The following UPF2 variants were observed in gnomAD, a reference collection of about 807,000 sequenced individuals.
The protein encoded by UPF2 is UPF2 regulator of nonsense mediated mRNA decay, also known as regulator of nonsense transcripts 2.
UPF2 carries 17 observed loss-of-function variants against 141.4 expected under a neutral mutation model. The ratio of observed to expected loss-of-function variants is 0.12; its 90% CI spans 0.08 to 0.18. The LOEUF is 0.18. Ranked by LOEUF, UPF2 falls within the 10% of genes least tolerant of loss-of-function variation. The pLI is 1.00. For synonymous variants in UPF2, 540 were observed against 498.0 expected (o/e 1.08, Z -1.12); for missense variants, 1,152 against 1,515.9 (o/e 0.76, Z 3.99).
At chr10:11,993,793 A>G (rs1353712348) in intron 8 of UPF2, among the ~76,000 whole-genome samples, 2 of 152,006 alleles carry the variant, frequency 1.3e-5, no homozygotes, top group African/African-American at 4.8e-5. Context: ...GGTCAATATA[A>G]CAAGACCTCG....
intron 1 of UPF2, among the ~76,000 whole-genome samples, chr10:12,038,077 C>T (rs954207682): frequency 6.6e-6 from 1 of 152,118 alleles, no homozygotes; most frequent in Admixed American, 6.6e-5. Flanking sequence ...AGCTATTGGG[C>T]CTATTTTTAA....
intron 9 of UPF2, among the ~76,000 whole-genome samples, chr10:11,974,434 G>A (rs1564351344): frequency 6.6e-6 from 1 of 152,176 alleles, no homozygotes; most frequent in Non-Finnish European, 1.5e-5. Context: ...AGTGGTAAGA[G>A]AGGGCATCCC....
At chr10:11,929,320 A>C (rs920102095) in intron 21 of UPF2, among the ~76,000 whole-genome samples, 1 of 152,248 alleles carries the variant, frequency 6.6e-6, no homozygotes, top group African/African-American at 2.4e-5. Flanking sequence ...CCTTCCTATT[A>C]AAGCAAAAGA....
chr10:12,004,362 C>T (rs988306923), intron 5 of UPF2, among the ~76,000 whole-genome samples, 168 bp downstream of exon 5: 2 of 152,186 alleles, frequency 1.3e-5, no homozygotes, highest in Admixed American at 6.5e-5. Flanking sequence ...AATTATCATC[C>T]TTTAATGCTC....
intron 14 of UPF2, 38 bp from the exon 15 acceptor site, chr10:11,952,287 T>A: frequency 2.0e-6 from 3 of 1,511,650 alleles, no homozygotes; most frequent in Non-Finnish European, 2.7e-6. Flanking sequence ...CTATAAGAAA[T>A]TAGTAACAAA....
chr10:11,923,449 G>A (rs915719760), intron 21 of UPF2, among the ~76,000 whole-genome samples: 18 of 151,976 alleles, frequency 1.2e-4, no homozygotes, highest in Admixed American at 3.9e-4. Flanking sequence ...TTGGGAGGCC[G>A]AGGAGGGTGG....
chr10:12,006,409 A>C (rs893890449), intron 4 of UPF2, among the ~76,000 whole-genome samples: 1 of 152,224 alleles, frequency 6.6e-6, no homozygotes, highest in African/African-American at 2.4e-5. Flanking sequence ...ACTTCTCTCC[A>C]AATGAGAATT....
intron 18 of UPF2, among the ~76,000 whole-genome samples, chr10:11,938,853 G>GTTTTTTTGTTTTTTTTT (rs1832890068): frequency 1.3e-5 from 1 of 79,816 alleles, no homozygotes; most frequent in African/African-American, 5.0e-5. Flanking sequence ...TTTTTTTTTT[G>GTTTTTTTGTTTTTTTTT]TTTTTTTTTT....
chr10:11,969,723 A>AT (rs1833384095), intron 9 of UPF2, among the ~76,000 whole-genome samples: 1 of 152,180 alleles, frequency 6.6e-6, no homozygotes, highest in Non-Finnish European at 1.5e-5. Flanking sequence ...TCGAGGATTG[A>AT]TTGAGTGTGC....
At chr10:12,018,623 G>C (rs930292893) in intron 3 of UPF2, among the ~76,000 whole-genome samples, 35 of 151,918 alleles carry the variant, frequency 2.3e-4, no homozygotes, top group Non-Finnish European at 4.1e-4. Flanking sequence ...GCGGTGGTGG[G>C]CACCTACAGT....
At chr10:12,004,442 T>C in intron 5 of UPF2, 88 bp downstream of exon 5, 1 of 1,064,932 alleles carries the variant, frequency 9.4e-7, no homozygotes, top group Non-Finnish European at 1.3e-6. Flanking sequence ...AACTAGTAAC[T>C]ACAATATATA....
chr10:11,986,858 G>A (rs1833700250), intron 8 of UPF2, among the ~76,000 whole-genome samples: 1 of 152,174 alleles, frequency 6.6e-6, no homozygotes, highest in Non-Finnish European at 1.5e-5. Context: ...AGTGAAGGAG[G>A]AGGTCCAATC....
chr10:11,923,768 G>A (rs1176471360), intron 21 of UPF2, among the ~76,000 whole-genome samples: 1 of 152,116 alleles, frequency 6.6e-6, no homozygotes, highest in Non-Finnish European at 1.5e-5. Flanking sequence ...GAACTCGGGA[G>A]GCAGAGGTTG....
intron 6 of UPF2, among the ~76,000 whole-genome samples, chr10:12,001,247 C>T (rs1185051649): frequency 6.6e-6 from 1 of 152,034 alleles, no homozygotes; most frequent in Admixed American, 6.6e-5. Flanking sequence ...AACCCCATCT[C>T]TACTAAAAAT....
intron 2 of UPF2, among the ~76,000 whole-genome samples, chr10:12,031,273 T>C (rs1228673254): frequency 1.3e-5 from 2 of 152,176 alleles, no homozygotes; most frequent in African/African-American, 4.8e-5. Flanking sequence ...TTGCTATGTT[T>C]GGGCTCTTAA....
At chr10:11,981,975 C>T (rs1343217957) in intron 8 of UPF2, among the ~76,000 whole-genome samples, 1 of 151,974 alleles carries the variant, frequency 6.6e-6, no homozygotes, top group Non-Finnish European at 1.5e-5. Flanking sequence ...TGCGCCACTG[C>T]GCCCAGCCCC....
intron 8 of UPF2, among the ~76,000 whole-genome samples, chr10:11,983,869 C>T (rs938048325): frequency 6.6e-6 from 1 of 152,040 alleles, no homozygotes; most frequent in Non-Finnish European, 1.5e-5. Flanking sequence ...CCTTAAAAGG[C>T]TAAAAATACT....
intron 9 of UPF2, among the ~76,000 whole-genome samples, 174 bp from the exon 10 acceptor site, chr10:11,967,628 C>T (rs1000253974): frequency 2.0e-5 from 3 of 148,840 alleles, no homozygotes; most frequent in African/African-American, 7.5e-5. Flanking sequence ...TGGCTCACTG[C>T]AACCTCCGCC....
In UPF2 at chr10:11,920,084, G is replaced by A. The variant is rs1832620176; in HGVS notation, c.*1214C>T. On this transcript the variant is annotated 3_prime_UTR_variant, in exon 22 of 22. Transcript: ENST00000357604. ...AGATTTCTGAAGCTGGTGAAGATTG[G>A]GCAGCATTTCCATGTGAAATGTTAC... is the stretch of plus-strand genomic sequence containing the variant. The A allele has an allele frequency of 6.6e-6, 1 of 152,108 alleles. No individual in the cohort carries two copies. The highest frequency in any genetic ancestry group is 2.1e-4 in the South Asian group (1 of 4,826). The allele number at this position is 152,108 out of a possible 1,614,324, so 9.4% of individuals were successfully genotyped here.
Sources: gnomAD v4.1 joint callset for allele counts (sites outside exome capture counted in the v4.1 genomes callset) on GRCh38, gnomAD v4.1.1 for gene constraint, MANE v1.5 for transcripts, NCBI Gene and HGNC (gene_info 2026-07-23, HGNC 2026-07-21) for gene names.